KIAA1958: variants seen among roughly 807,000 people sequenced by gnomAD.
KIAA1958 encodes the protein KIAA1958, also known as uncharacterized protein KIAA1958.
Under a neutral mutation model 47.2 loss-of-function variants are expected in KIAA1958, and 14 were observed. The ratio of observed to expected loss-of-function variants is 0.30; its 90% confidence interval spans 0.20 to 0.46. KIAA1958 has a LOEUF of 0.46. Ranked by LOEUF, KIAA1958 falls within the 20% of genes least tolerant of loss-of-function variation. The probability of loss-of-function intolerance (pLI) is 1.00; values close to 1 mark genes in which losing one functional copy is unlikely to be tolerated. For synonymous variants in KIAA1958, 354 were observed against 353.3 expected, an observed-to-expected ratio of 1.00 and a Z score of -0.02; for missense variants, 803 against 909.2, an observed-to-expected ratio of 0.88 and a Z score of 1.50.
intron 2 of KIAA1958, among the ~76,000 whole-genome samples, chr9:112,585,854 A>G (rs2131185198): frequency 6.6e-6 from 1 of 152,332 alleles, no homozygotes; most frequent in South Asian, 2.1e-4. Flanking sequence ...GTGAAGTCAT[A>G]TTGTTAAGTC....
intron 1 of KIAA1958, among the ~76,000 whole-genome samples, chr9:112,565,673 A>G (rs376503266): frequency 6.6e-5 from 10 of 152,224 alleles, no homozygotes; most frequent in African/African-American, 2.4e-4. Flanking sequence ...ATATTGAAGT[A>G]GAGTGATAAC....
chr9:112,492,544 C>G (rs1317713331), intron 1 of KIAA1958, among the ~76,000 whole-genome samples: 3 of 152,182 alleles, frequency 2.0e-5, no homozygotes, highest in Non-Finnish European at 4.4e-5. Flanking sequence ...TGTATACCTA[C>G]CTACCTACAT....
At chr9:112,556,397 C>G (rs1370632120) in intron 1 of KIAA1958, among the ~76,000 whole-genome samples, 1 of 152,214 alleles carries the variant, frequency 6.6e-6, no homozygotes, top group African/African-American at 2.4e-5. Flanking sequence ...TACACATGCC[C>G]TTTCATATTC....
intron 1 of KIAA1958, among the ~76,000 whole-genome samples, chr9:112,511,171 T>G (rs1426023010): frequency 6.6e-6 from 1 of 152,048 alleles, no homozygotes; most frequent in East Asian, 1.9e-4. Context: ...GGAGAGTAAA[T>G]ATGGATTTGA....
chr9:112,636,730 T>G (rs1217275965), intron 2 of KIAA1958, among the ~76,000 whole-genome samples: 4 of 152,192 alleles, frequency 2.6e-5, no homozygotes, highest in Non-Finnish European at 4.4e-5. Flanking sequence ...TTTTTCAACC[T>G]TTTGCTTTGA....
chr9:112,660,133 G>A lies in KIAA1958; in HGVS notation c.*64G>A, dbSNP rs1837251310. 2 of 1,437,908 alleles carry A rather than the reference G, an allele frequency of 1.4e-6. No individual in the cohort carries two copies. Among genetic ancestry groups the A allele is most frequent in the Non-Finnish European group, 1.9e-6 (2 of 1,045,268 alleles). 89.1% of individuals were successfully genotyped at this position (1,437,908 alleles called of 1,614,324 possible). ...CGGGCCAGCCAGGGTTGGAGCAGCT[G>A]GAGCTCCTTGGAGGCAGGGGCTGAC... On this transcript the variant is annotated 3_prime_UTR_variant, in exon 4 of 4. Transcript: ENST00000337530.
chr9:112,506,027 C>T (rs557757713), intron 1 of KIAA1958, among the ~76,000 whole-genome samples: 1 of 152,222 alleles, frequency 6.6e-6, no homozygotes, highest in South Asian at 2.1e-4. Flanking sequence ...CCGCTGAACT[C>T]ATATAATGGA....
rs1471712235 is a variant in KIAA1958 at position 112,666,405 on chromosome 9, CCCAT to C, written c.*6340_*6343del. On this transcript the variant is annotated 3_prime_UTR_variant, in exon 4 of 4. Transcript: ENST00000337530. The stretch of plus-strand genomic sequence containing the variant: ...ATTTAAGGCCAGAGATATTAAAGGG[CCCAT>C]CCAAGATCAGCCAAACAATAAGTAA... 4 of 152,106 alleles carry C rather than the reference CCCAT, an allele frequency of 2.6e-5. No individual in the cohort carries two copies. The East Asian group carries it at 7.7e-4, about 29-fold the overall frequency. The allele number at this position is 152,106 out of a possible 1,614,324, so 9.4% of individuals were successfully genotyped here. A position where few individuals can be genotyped will look rare whatever the true frequency, so the allele number is the denominator to read the frequency against.
chr9:112,580,155 A>G (rs1588026813), intron 2 of KIAA1958, among the ~76,000 whole-genome samples: 1 of 152,290 alleles, frequency 6.6e-6, no homozygotes, highest in Non-Finnish European at 1.5e-5. Context: ...TACACAAACT[A>G]CATAGCTGAG....
intron 3 of KIAA1958, among the ~76,000 whole-genome samples, chr9:112,651,526 C>G (rs1658889085): frequency 6.6e-5 from 10 of 151,830 alleles, no homozygotes; most frequent in Admixed American, 6.6e-4. Flanking sequence ...TCCCAAGTAG[C>G]TGGGATTACA....
intron 2 of KIAA1958, among the ~76,000 whole-genome samples, chr9:112,576,847 T>A (rs575866967): frequency 5.8e-4 from 89 of 152,172 alleles, no homozygotes; most frequent in Non-Finnish European, 1.1e-3. Context: ...TTATCTTGCT[T>A]GGGTAACTAC....
At chr9:112,569,348 G>C (rs1431647057) in intron 1 of KIAA1958, among the ~76,000 whole-genome samples, 1 of 152,202 alleles carries the variant, frequency 6.6e-6, no homozygotes. Flanking sequence ...ATTGCATTAA[G>C]TGTCTTCTTA....
chr9:112,509,757 C>T lies in KIAA1958; in HGVS notation c.-25+22639C>T, dbSNP rs190548872. On this transcript the variant is annotated intron_variant, in intron 1 of 3. Transcript: ENST00000337530. ...GGTTGAAACATTTTCTGTTTGGTGC[C>T]CTCTGTGTTTTTGGTGAATGAAGGC... Among the ~76,000 whole-genome samples, 12 of 152,158 alleles carry T rather than the reference C, an allele frequency of 7.9e-5. No homozygotes were observed. In the East Asian group the frequency reaches 1.9e-3, roughly 24 times the overall value.
intron 2 of KIAA1958, among the ~76,000 whole-genome samples, chr9:112,599,752 A>G (rs1316104879): frequency 6.6e-6 from 1 of 152,204 alleles, no homozygotes; most frequent in East Asian, 1.9e-4. Flanking sequence ...CTTTTTGGAA[A>G]TTGTATATGA....
At chr9:112,591,343 C>T (rs918806355) in intron 2 of KIAA1958, among the ~76,000 whole-genome samples, 2 of 152,098 alleles carry the variant, frequency 1.3e-5, no homozygotes, top group African/African-American at 4.8e-5. Context: ...CTCGGCCTCC[C>T]ACAGTGCTGG....
chr9:112,509,102 G>C (rs1315727400), intron 1 of KIAA1958, among the ~76,000 whole-genome samples: 1 of 150,558 alleles, frequency 6.6e-6, no homozygotes. Flanking sequence ...TTTTTTGTCA[G>C]TGTTAGAATA....
At chr9:112,645,591 A>G (rs2131243030) in intron 2 of KIAA1958, 59 bp from the exon 3 acceptor site, 1 of 1,147,068 alleles carries the variant, frequency 8.7e-7, no homozygotes, top group African/African-American at 1.5e-5. Flanking sequence ...CCCAAGATGT[A>G]ATTCTCTAAA....
At chr9:112,533,039 T>G (rs1043069914) in intron 1 of KIAA1958, among the ~76,000 whole-genome samples, 7 of 152,142 alleles carry the variant, frequency 4.6e-5, no homozygotes, top group Non-Finnish European at 1.0e-4. Flanking sequence ...TGAAAGCTCT[T>G]CAATAATCTT....
chr9:112,504,820 A>G (rs759363196), intron 1 of KIAA1958, among the ~76,000 whole-genome samples: 4 of 150,862 alleles, frequency 2.7e-5, no homozygotes, highest in Admixed American at 1.3e-4. Flanking sequence ...AGATGTATAT[A>G]CATTTTTTAT....
Sources: gnomAD v4.1 joint callset for allele counts (sites outside exome capture counted in the v4.1 genomes callset) on GRCh38, gnomAD v4.1.1 for gene constraint, MANE v1.5 for transcripts, NCBI Gene and HGNC (gene_info 2026-07-23, HGNC 2026-07-21) for gene names.